THSD7B: variants seen among roughly 807,000 people sequenced by gnomAD.
THSD7B encodes thrombospondin type-1 domain-containing protein 7B.
THSD7B carries 138 observed loss-of-function variants against 213.6 expected under a neutral mutation model. The ratio of observed to expected loss-of-function variants is 0.65; its 90% CI spans 0.56 to 0.74. The LOEUF (loss-of-function observed/expected upper bound fraction) is 0.74. Among genes scored for constraint, THSD7B ranks in the 30% least tolerant of loss-of-function variants. The pLI is 0.00. For synonymous variants in THSD7B, 742 were observed against 687.0 expected (o/e 1.08, Z -1.25); for missense variants, 1,931 against 1,991.5 (o/e 0.97, Z 0.58).
chr2:137,270,422 C>A (rs1682705801), intron 10 of THSD7B, among the ~76,000 whole-genome samples: 1 of 152,090 alleles, frequency 6.6e-6, no homozygotes, highest in Admixed American at 6.6e-5. Flanking sequence ...ATAAGATGTG[C>A]AAAGGTGTTG....
chr2:137,421,555 C>T (rs1341983126), intron 14 of THSD7B, among the ~76,000 whole-genome samples: 1 of 152,170 alleles, frequency 6.6e-6, no homozygotes, highest in Non-Finnish European at 1.5e-5. Context: ...TCCATGCTCT[C>T]CCTGGGCACA....
chr2:137,510,478 C>A (rs1315499959), intron 15 of THSD7B, among the ~76,000 whole-genome samples: 1 of 152,092 alleles, frequency 6.6e-6, no homozygotes. Context: ...TTGCTTCACA[C>A]AATTCTAAAT....
At chr2:137,483,527 C>T (rs1413787414) in intron 15 of THSD7B, among the ~76,000 whole-genome samples, 1 of 152,224 alleles carries the variant, frequency 6.6e-6, no homozygotes, top group Admixed American at 6.5e-5. Flanking sequence ...AACTCTTACC[C>T]TGAAGGCACT....
intron 2 of THSD7B, among the ~76,000 whole-genome samples, chr2:137,002,408 A>G (rs1421591495): frequency 7.0e-6 from 1 of 141,916 alleles, no homozygotes; most frequent in Non-Finnish European, 1.5e-5. Context: ...ATAGGGGACT[A>G]GGACCTGGGT....
intron 15 of THSD7B, among the ~76,000 whole-genome samples, chr2:137,498,268 G>A (rs1348624501): frequency 6.6e-6 from 1 of 151,622 alleles, no homozygotes; most frequent in Non-Finnish European, 1.5e-5. Context: ...TTAGGCACAA[G>A]AAATAAAAGA....
chr2:137,537,117 G>C, intron 15 of THSD7B, among the ~76,000 whole-genome samples: 1 of 151,748 alleles, frequency 6.6e-6, no homozygotes, highest in Non-Finnish European at 1.5e-5. Context: ...GATGATCATT[G>C]ATCTAAATTC....
intron 1 of THSD7B, among the ~76,000 whole-genome samples, chr2:136,811,281 A>G (rs1322452084): frequency 1.3e-5 from 2 of 152,132 alleles, no homozygotes; most frequent in Non-Finnish European, 2.9e-5. Context: ...AACTCACTAG[A>G]TAGATGTAGG....
intron 1 of THSD7B, among the ~76,000 whole-genome samples, chr2:136,803,566 A>T (rs985192326): frequency 6.6e-6 from 1 of 152,206 alleles, no homozygotes; most frequent in Admixed American, 6.6e-5. Context: ...GAGAATTTTT[A>T]AATTAGATTA....
At chr2:136,870,942 G>C (rs749218820) in intron 1 of THSD7B, among the ~76,000 whole-genome samples, 1 of 152,198 alleles carries the variant, frequency 6.6e-6, no homozygotes, top group Non-Finnish European at 1.5e-5. Context: ...AGCCAGGCAG[G>C]AGGCTGTTAG....
intron 15 of THSD7B, among the ~76,000 whole-genome samples, chr2:137,498,426 C>T (rs758680413): frequency 9.9e-5 from 15 of 151,432 alleles, no homozygotes; most frequent in Admixed American, 2.0e-4. Flanking sequence ...CTTGGCTGTG[C>T]GTCTTACTTC....
chr2:137,216,482 A>T (rs763280835), intron 7 of THSD7B, among the ~76,000 whole-genome samples: 1 of 151,974 alleles, frequency 6.6e-6, no homozygotes, highest in Non-Finnish European at 1.5e-5. Flanking sequence ...TTTTAGGTAC[A>T]CTGATGAATA....
chr2:137,504,735 A>T (rs968445117), intron 15 of THSD7B, among the ~76,000 whole-genome samples: 3 of 152,192 alleles, frequency 2.0e-5, no homozygotes, highest in African/African-American at 7.2e-5. Flanking sequence ...TGCTTTGCTG[A>T]TGAGGCGATA....
intron 5 of THSD7B, among the ~76,000 whole-genome samples, chr2:137,150,783 A>G (rs1281607419): frequency 1.3e-5 from 2 of 152,140 alleles, no homozygotes; most frequent in Non-Finnish European, 2.9e-5. Context: ...TCTAGTTGGG[A>G]TAGTCCACTC....
chr2:136,991,064 C>G, intron 2 of THSD7B: 1 of 734,574 alleles, frequency 1.4e-6, no homozygotes. Context: ...ATAAAAAGGA[C>G]CTGGACAAAT....
intron 20 of THSD7B, 59 bp from the exon 21 acceptor site, chr2:137,642,429 T>C: frequency 6.3e-7 from 1 of 1,599,434 alleles, no homozygotes; most frequent in Non-Finnish European, 8.5e-7. Flanking sequence ...CATTCTGTTC[T>C]TCAGGTCCCT....
chr2:137,589,062 G>A (rs1681807739), intron 17 of THSD7B, among the ~76,000 whole-genome samples: 1 of 152,122 alleles, frequency 6.6e-6, no homozygotes, highest in Admixed American at 6.6e-5. Flanking sequence ...TTACAAGTGT[G>A]AGCCACCGCA....
intron 17 of THSD7B, among the ~76,000 whole-genome samples, chr2:137,590,155 G>T (rs1370884079): frequency 6.6e-6 from 1 of 151,948 alleles, no homozygotes; most frequent in African/African-American, 2.4e-5. Context: ...ATTCTTTTGT[G>T]CAAGTCCTGG....
chr2:137,525,822 G>A (rs919634989), intron 15 of THSD7B, among the ~76,000 whole-genome samples: 5 of 152,118 alleles, frequency 3.3e-5, no homozygotes, highest in Admixed American at 2.6e-4. Flanking sequence ...AAGTGGCTAT[G>A]TAACCAAATG....
intron 16 of THSD7B, among the ~76,000 whole-genome samples, chr2:137,567,935 T>C (rs1373034871): frequency 1.3e-5 from 2 of 152,006 alleles, no homozygotes; most frequent in African/African-American, 4.8e-5. Context: ...AACTCCAACA[T>C]TCATGGATTA....
Sources: gnomAD v4.1 joint callset for allele counts (sites outside exome capture counted in the v4.1 genomes callset) on GRCh38, gnomAD v4.1.1 for gene constraint, MANE v1.5 for transcripts, NCBI Gene and HGNC (gene_info 2026-07-23, HGNC 2026-07-21) for gene names.